The following ROBO1 variants were observed in gnomAD, a reference collection of about 807,000 sequenced individuals.
ROBO1 encodes roundabout homolog 1.
A neutral mutation model predicts 195.9 loss-of-function variants in ROBO1; 149 were observed. That is an observed-to-expected ratio of 0.76 (90% CI 0.67 to 0.87). The LOEUF (loss-of-function observed/expected upper bound fraction) is 0.87, where lower values mean the gene tolerates loss of function less well. Among genes scored for constraint, ROBO1 ranks in the 40% least tolerant of loss-of-function variants. The probability of loss-of-function intolerance (pLI) is 0.00; values close to 1 mark genes in which losing one functional copy is unlikely to be tolerated. For synonymous variants in ROBO1, 816 were observed against 733.2 expected (o/e 1.11, Z -1.82); for missense variants, 1,933 against 2,068.3 (o/e 0.93, Z 1.27).
Position 79,444,831 on chromosome 3 carries a change from G to A in ROBO1, c.88+144993C>T, listed in dbSNP as rs185065153. On this transcript the variant is annotated intron_variant, in intron 2 of 30. Coordinates refer to ENST00000464233, the MANE Select transcript of ROBO1 (RefSeq NM_002941.4). Reference sequence around the variant, plus strand: ...ATAAATGAATATCACTAATAATGTTGAAAGGAAGAAGTTATGGAAGAACAT... The same window carrying A: ...ATAAATGAATATCACTAATAATGTTAAAAGGAAGAAGTTATGGAAGAACAT... Among the ~76,000 whole-genome samples the A allele has an allele frequency of 1.6e-4, 24 of 152,064 alleles. No individual in the cohort carries two copies. The East Asian group carries it at 4.5e-3, about 28-fold the overall frequency.
At chr3:79,762,177 C>A (rs373516744) in intron 1 of ROBO1, among the ~76,000 whole-genome samples, 4 of 152,146 alleles carry the variant, frequency 2.6e-5, no homozygotes, top group Non-Finnish European at 4.4e-5. Context: ...AATATCAAGG[C>A]GCTGGAAGAT....
At chr3:78,821,356 G>A (rs2030918885) in intron 4 of ROBO1, among the ~76,000 whole-genome samples, 1 of 151,624 alleles carries the variant, frequency 6.6e-6, no homozygotes, top group African/African-American at 2.4e-5. Context: ...AGTAGAGATG[G>A]GGTTTCACCA....
chr3:79,595,345 A>G (rs982830504), intron 1 of ROBO1, among the ~76,000 whole-genome samples: 3 of 152,074 alleles, frequency 2.0e-5, no homozygotes, highest in African/African-American at 7.2e-5. Context: ...CCACAAAGTC[A>G]AAAGCATTTC....
Position 79,027,520 on chromosome 3 carries a change from C to T in ROBO1, c.173-88593G>A, listed in dbSNP as rs76624820. ...TGACTGAGGACTATGATTCTAAATA[C>T]GGAAGGGCTCAGTCTTGTGGGTAAA... On this transcript the variant is annotated intron_variant, in intron 3 of 30. Coordinates refer to ENST00000464233, the MANE Select transcript of ROBO1 (RefSeq NM_002941.4). Among the ~76,000 whole-genome samples, 1,244 of 151,976 alleles carry T rather than the reference C, an allele frequency of 8.2e-3. 13 individuals carry two copies. Among genetic ancestry groups the T allele is most frequent in the East Asian group, 0.026 (135 of 5,170 alleles).
intron 2 of ROBO1, among the ~76,000 whole-genome samples, chr3:79,416,320 A>T (rs1258820916): frequency 6.6e-6 from 1 of 151,806 alleles, no homozygotes; most frequent in Non-Finnish European, 1.5e-5. Context: ...AAGAGGTAAA[A>T]TTGGGCAGGG....
rs868630545 is a variant in ROBO1, at chr3:78,828,284, C to G, written c.500-81384G>C. ...TTCCATGTTACACATATTTAATCTT[C>G]CAGAATGTAGTTTTATCTTGTCTAA... On this transcript the variant is annotated intron_variant, in intron 4 of 30. Coordinates refer to ENST00000464233, the MANE Select transcript of ROBO1 (RefSeq NM_002941.4). 2.0e-5 allele frequency among the ~76,000 whole-genome samples: 3 copies of G among 152,100 alleles called. No individual in the cohort carries two copies. The South Asian group carries it at 6.2e-4, about 32-fold the overall frequency.
intron 28 of ROBO1, among the ~76,000 whole-genome samples, chr3:78,611,589 C>T (rs1008062086): frequency 1.3e-5 from 2 of 152,184 alleles, no homozygotes; most frequent in Non-Finnish European, 1.5e-5. Context: ...TGCGTGCTTA[C>T]GAGACCTTGG....
chr3:79,727,290 A>G (rs1702962690), intron 1 of ROBO1, among the ~76,000 whole-genome samples: 1 of 135,372 alleles, frequency 7.4e-6, no homozygotes. Context: ...TTTTTACTTT[A>G]AAAATATGTG....
chr3:79,221,972 C>A (rs1034674313), intron 2 of ROBO1, among the ~76,000 whole-genome samples: 3 of 151,892 alleles, frequency 2.0e-5, no homozygotes, highest in Admixed American at 6.6e-5. Context: ...GTAAAAATAT[C>A]TTTCTTATAA....
At chr3:79,215,778 T>C (rs2082045936) in intron 2 of ROBO1, among the ~76,000 whole-genome samples, 1 of 152,224 alleles carries the variant, frequency 6.6e-6, no homozygotes, top group African/African-American at 2.4e-5. Flanking sequence ...TTTTCCCCCT[T>C]AAAGGGGGCT....
At chr3:79,129,431 T>C (rs545725280) in intron 2 of ROBO1, among the ~76,000 whole-genome samples, 8 of 152,152 alleles carry the variant, frequency 5.3e-5, no homozygotes, top group African/African-American at 1.7e-4. Context: ...ATTACATACA[T>C]ACATATATAC....
At chr3:79,336,876 A>G (rs1267352521) in intron 2 of ROBO1, among the ~76,000 whole-genome samples, 1 of 152,222 alleles carries the variant, frequency 6.6e-6, no homozygotes, top group South Asian at 2.1e-4. Context: ...CACCTCTTGC[A>G]TCAGTATGAC....
intron 3 of ROBO1, among the ~76,000 whole-genome samples, chr3:79,070,417 T>C (rs1374969750): frequency 2.6e-5 from 4 of 151,864 alleles, no homozygotes; most frequent in African/African-American, 9.7e-5. Flanking sequence ...TAAAATAGAG[T>C]ATTTATTTCA....
intron 4 of ROBO1, among the ~76,000 whole-genome samples, chr3:78,809,886 T>A (rs1469547191): frequency 1.3e-5 from 2 of 151,602 alleles, no homozygotes; most frequent in Non-Finnish European, 2.9e-5. Flanking sequence ...ATACCTAATG[T>A]AGATGACGGG....
chr3:78,888,376 G>C (rs141698814), intron 4 of ROBO1, among the ~76,000 whole-genome samples: 2 of 152,136 alleles, frequency 1.3e-5, no homozygotes, highest in East Asian at 3.9e-4. Flanking sequence ...GGCTGATCAC[G>C]GGAAGGTGGA....
At chr3:79,039,651 TG>T (rs2108327443) in intron 3 of ROBO1, among the ~76,000 whole-genome samples, 1 of 151,762 alleles carries the variant, frequency 6.6e-6, no homozygotes, top group Non-Finnish European at 1.5e-5. Context: ...AAAAATTAGC[TG>T]GACATGGTGG....
chr3:79,622,220 C>T (rs1041137787), intron 1 of ROBO1, among the ~76,000 whole-genome samples: 1 of 152,190 alleles, frequency 6.6e-6, no homozygotes, highest in East Asian at 1.9e-4. Flanking sequence ...AAATCCCACT[C>T]ATGAACCCAC....
chr3:78,840,886 C>T (rs2033143777), intron 4 of ROBO1, among the ~76,000 whole-genome samples: 1 of 151,086 alleles, frequency 6.6e-6, no homozygotes, highest in African/African-American at 2.4e-5. Flanking sequence ...TGGTGAAACC[C>T]CATCTCTACT....
intron 2 of ROBO1, among the ~76,000 whole-genome samples, chr3:79,567,111 G>A (rs1371320587): frequency 6.6e-6 from 1 of 152,134 alleles, no homozygotes; most frequent in Admixed American, 6.6e-5. Flanking sequence ...AGGGGCAGGG[G>A]TGGATCTGGA....
Sources: allele counts gnomAD v4.1 joint callset (sites outside exome capture counted in the v4.1 genomes callset), GRCh38; gene constraint gnomAD v4.1.1; transcripts MANE v1.5; gene names NCBI Gene and HGNC (gene_info 2026-07-23, HGNC 2026-07-21).